The following OSBPL9 variants were observed in gnomAD, a reference collection of about 807,000 sequenced individuals.
The protein encoded by OSBPL9 is oxysterol-binding protein-related protein 9.
OSBPL9 carries 40 observed loss-of-function variants against 106.6 expected under a neutral mutation model. The ratio of observed to expected loss-of-function variants is 0.38; its 90% CI spans 0.29 to 0.49. The LOEUF (loss-of-function observed/expected upper bound fraction) is 0.49, where lower values mean the gene tolerates loss of function less well. Ranked by LOEUF, OSBPL9 falls within the 20% of genes least tolerant of loss-of-function variation. The pLI, the probability that OSBPL9 is intolerant of heterozygous loss-of-function variation, is 0.97. For synonymous variants in OSBPL9, 269 were observed against 295.4 expected (o/e 0.91, Z 0.92); for missense variants, 609 against 887.2 (o/e 0.69, Z 3.98).
chr1:51,673,920 G>A (rs1216106109), intron 3 of OSBPL9, among the ~76,000 whole-genome samples: 1 of 151,280 alleles, frequency 6.6e-6, no homozygotes, highest in African/African-American at 2.4e-5. Flanking sequence ...GTAGGAACTG[G>A]TAATTGCTCA....
At chr1:51,697,329 T>C (rs986093118) in intron 3 of OSBPL9, among the ~76,000 whole-genome samples, 4 of 152,094 alleles carry the variant, frequency 2.6e-5, no homozygotes, top group African/African-American at 7.2e-5. Flanking sequence ...CCCGTGCATA[T>C]TGGGGCTCAG....
At chr1:51,787,205 C>A in intron 22 of OSBPL9, 148 bp from the exon 23 acceptor site, 1 of 735,038 alleles carries the variant, frequency 1.4e-6, no homozygotes, top group Admixed American at 2.5e-5. Context: ...ATGTCTGTTC[C>A]TTACTCCAGT....
At chr1:51,665,885 C>T (rs957021529) in intron 2 of OSBPL9, among the ~76,000 whole-genome samples, 3 of 152,010 alleles carry the variant, frequency 2.0e-5, no homozygotes, top group Non-Finnish European at 4.4e-5. Flanking sequence ...TTTAGAGTCT[C>T]GCTCTGTCAC....
At chr1:51,543,585 C>T in the OSBPL9 span, among the ~76,000 whole-genome samples, 6 of 152,076 alleles carry the variant, frequency 3.9e-5, no homozygotes, top group East Asian at 3.9e-4. Flanking sequence ...TTAGTAGAGA[C>T]GGGATTTCAC....
chr1:51,697,042 C>T (rs1656172382), intron 3 of OSBPL9, among the ~76,000 whole-genome samples: 1 of 151,892 alleles, frequency 6.6e-6, no homozygotes, highest in African/African-American at 2.4e-5. Flanking sequence ...TGCCTGTGGT[C>T]CTAACTACTT....
At chr1:51,717,482 C>T (rs1381660618) in intron 4 of OSBPL9, among the ~76,000 whole-genome samples, 1 of 152,114 alleles carries the variant, frequency 6.6e-6, no homozygotes, top group East Asian at 1.9e-4. Flanking sequence ...TTTTTCCTGG[C>T]CATTTAGTAC....
At chr1:51,601,547 T>C (rs996691051) in intron 2 of OSBPL9, among the ~76,000 whole-genome samples, 2 of 152,220 alleles carry the variant, frequency 1.3e-5, no homozygotes, top group Non-Finnish European at 2.9e-5. Context: ...TTACCAAGCC[T>C]TTTGCCTTTA....
At chr1:51,702,535 T>C (rs1213134779) in intron 3 of OSBPL9, among the ~76,000 whole-genome samples, 2 of 152,246 alleles carry the variant, frequency 1.3e-5, no homozygotes, top group Non-Finnish European at 2.9e-5. Context: ...TTGTAGATTC[T>C]GGATATTAGC....
At chr1:51,546,711 A>C in the OSBPL9 span, among the ~76,000 whole-genome samples, 7 of 152,038 alleles carry the variant, frequency 4.6e-5, no homozygotes, top group Admixed American at 4.6e-4. Context: ...AAAAAAAACA[A>C]AAAACACAAC....
At chr1:51,606,906 C>T (rs989700327) in intron 2 of OSBPL9, among the ~76,000 whole-genome samples, 3 of 151,776 alleles carry the variant, frequency 2.0e-5, no homozygotes, top group Non-Finnish European at 1.5e-5. Flanking sequence ...AAAAATTAGC[C>T]GGGCATGGTG....
the OSBPL9 span, among the ~76,000 whole-genome samples, chr1:51,543,597 G>A: frequency 2.0e-4 from 30 of 152,072 alleles, no homozygotes; most frequent in African/African-American, 4.6e-4. Flanking sequence ...GGATTTCACC[G>A]TGTTAGCCAG....
rs144496089 is a variant in OSBPL9, at chr1:51,768,282, T to A, written c.938+2301T>A. 6.6e-3 allele frequency among the ~76,000 whole-genome samples: 969 copies of A among 147,608 alleles called. 7 individuals are homozygous for A. Among genetic ancestry groups the A allele is most frequent in the Non-Finnish European group, 0.011 (757 of 67,690 alleles). On this transcript the variant is annotated intron_variant, in intron 12 of 23. Coordinates refer to ENST00000428468, the MANE Select transcript of OSBPL9 (RefSeq NM_024586.6). ...TTTGCTCTTGTTGCCCAGGCTGGAG[T>A]GCAATGGTGCAATCTCGGCCTCCTG...
chr1:51,636,082 A>ATGTGTGTGTGTG (rs35392929), intron 1 of OSBPL9, among the ~76,000 whole-genome samples: 84 of 139,746 alleles, frequency 6.0e-4, no homozygotes, highest in African/African-American at 1.7e-3. Flanking sequence ...ATGTATGTAT[A>ATGTGTGTGTGTG]TGTGTGTGTG....
In OSBPL9 at chr1:51,694,954, A is replaced by G. The variant is rs556647220; in HGVS notation, c.242-19049A>G. On this transcript the variant is annotated intron_variant, in intron 3 of 23. Coordinates refer to ENST00000428468, the MANE Select transcript of OSBPL9 (RefSeq NM_024586.6). ...CGGGGAAATGTTTGCCAAACACCCGAGAGTGAATAATTTAGTTTGTCATTT... is the reference window on the plus strand; with the variant it reads ...CGGGGAAATGTTTGCCAAACACCCGGGAGTGAATAATTTAGTTTGTCATTT... Among the ~76,000 whole-genome samples, 4 of 152,366 alleles carry G rather than the reference A, an allele frequency of 2.6e-5. No homozygotes were observed. The East Asian group carries it at 7.7e-4, about 29-fold the overall frequency.
chr1:51,536,172 C>T, the OSBPL9 span, among the ~76,000 whole-genome samples: 59 of 152,160 alleles, frequency 3.9e-4, no homozygotes, highest in Admixed American at 1.0e-3. Context: ...ATATACAGTC[C>T]ATACTCAAAT....
intron 1 of OSBPL9, among the ~76,000 whole-genome samples, chr1:51,585,821 C>A (rs1390125129): frequency 6.6e-6 from 1 of 151,054 alleles, no homozygotes; most frequent in African/African-American, 2.4e-5. Flanking sequence ...AAATTTAACT[C>A]CAAGAACTGG....
chr1:51,746,642 G>A, intron 5 of OSBPL9, 68 bp from the exon 6 acceptor site: 1 of 1,097,374 alleles, frequency 9.1e-7, no homozygotes, highest in Admixed American at 2.3e-5. Context: ...TTGTTTTTCT[G>A]TGTTTAGTGA....
At chr1:51,553,959 G>A in the OSBPL9 span, among the ~76,000 whole-genome samples, 7 of 152,268 alleles carry the variant, frequency 4.6e-5, no homozygotes, top group East Asian at 1.9e-4. Context: ...GATTACAGGC[G>A]TGAGCCACCC....
At chr1:51,547,753 G>A in the OSBPL9 span, among the ~76,000 whole-genome samples, 1 of 152,076 alleles carries the variant, frequency 6.6e-6, no homozygotes, top group South Asian at 2.1e-4. Context: ...GGGAGGCTGA[G>A]GTAGGAGGAT....
Sources: allele counts gnomAD v4.1 joint callset (sites outside exome capture counted in the v4.1 genomes callset), GRCh38; gene constraint gnomAD v4.1.1; transcripts MANE v1.5; gene names NCBI Gene and HGNC (gene_info 2026-07-23, HGNC 2026-07-21).